SPATA17: variants seen among roughly 807,000 people sequenced by gnomAD.
SPATA17 encodes the protein spermatogenesis associated 17, also known as spermatogenesis-associated protein 17.
In SPATA17, 53 loss-of-function variants were observed where a neutral mutation model predicts 62.2. The ratio of observed to expected loss-of-function variants is 0.85; its 90% CI spans 0.68 to 1.07. The LOEUF is 1.07. Among genes scored for constraint, SPATA17 ranks in the 50% least tolerant of loss-of-function variants. The pLI, the probability that SPATA17 is intolerant of heterozygous loss-of-function variation, is 0.00. For missense variants in SPATA17, 466 were observed against 425.5 expected, an observed-to-expected ratio of 1.10 and a Z score of -0.84; for synonymous variants, 146 against 146.8, an observed-to-expected ratio of 0.99 and a Z score of 0.04.
At chr1:217,715,484 A>G (rs934751559) in intron 5 of SPATA17, among the ~76,000 whole-genome samples, 11 of 152,216 alleles carry the variant, frequency 7.2e-5, no homozygotes, top group African/African-American at 2.7e-4. Flanking sequence ...GGTAAGGTCT[A>G]TTAAAATGCA....
intron 9 of SPATA17, among the ~76,000 whole-genome samples, chr1:217,849,723 A>T (rs1675605163): frequency 6.6e-6 from 1 of 151,986 alleles, no homozygotes; most frequent in Non-Finnish European, 1.5e-5. Context: ...CCAGATCATA[A>T]ACTTCCTGAA....
At chr1:217,694,656 CT>C (rs1340696510) in intron 5 of SPATA17, among the ~76,000 whole-genome samples, 3 of 150,444 alleles carry the variant, frequency 2.0e-5, no homozygotes, top group Admixed American at 1.3e-4. Flanking sequence ...ATGTTTAGCG[CT>C]TCCTTCAGGA....
intron 6 of SPATA17, among the ~76,000 whole-genome samples, chr1:217,766,452 C>A (rs912977804): frequency 7.9e-5 from 12 of 152,040 alleles, no homozygotes; most frequent in Non-Finnish European, 1.5e-4. Context: ...ATAGGTAGTA[C>A]AAGTACCTTA....
At position 217,683,091 on chromosome 1, in the gene SPATA17, A is replaced by G. The variant is rs115448460; in HGVS notation, c.292-167A>G. ...TTTTATAATATTTCATAAAAAATTT[A>G]TGAGCAGAACCTATATTTACAACTA... On this transcript the variant is annotated intron_variant, in intron 4 of 10. Transcript: ENST00000366933. Among the ~76,000 whole-genome samples, 1,203 of 152,074 alleles carry G rather than the reference A, an allele frequency of 7.9e-3. 17 individuals are homozygous for G. Among genetic ancestry groups the G allele is most frequent in the African/African-American group, 0.027 (1,125 of 41,534 alleles).
intron 1 of SPATA17, among the ~76,000 whole-genome samples, chr1:217,642,741 CAT>C (rs145691039): frequency 6.8e-4 from 104 of 152,300 alleles, no homozygotes; most frequent in Admixed American, 1.2e-3. Flanking sequence ...CCATGTAAGA[CAT>C]GTGTGCTTCT....
chr1:217,672,563 T>C (rs1670855786), intron 4 of SPATA17, among the ~76,000 whole-genome samples: 1 of 151,866 alleles, frequency 6.6e-6, no homozygotes, highest in Admixed American at 6.6e-5. Context: ...GGAGCATTTC[T>C]GAAATGGCAG....
At chr1:217,821,407 G>T (rs1478744384) in intron 9 of SPATA17, among the ~76,000 whole-genome samples, 1 of 152,046 alleles carries the variant, frequency 6.6e-6, no homozygotes, top group African/African-American at 2.4e-5. Context: ...GTCAAGGAAA[G>T]ATAATGCAAT....
intron 9 of SPATA17, among the ~76,000 whole-genome samples, chr1:217,857,806 A>G (rs1675815494): frequency 6.6e-6 from 1 of 152,216 alleles, no homozygotes; most frequent in Non-Finnish European, 1.5e-5. Flanking sequence ...AATAAGAGCA[A>G]TAAAGAGTTT....
chr1:217,852,432 A>G (rs186046390), intron 9 of SPATA17, among the ~76,000 whole-genome samples: 2 of 152,272 alleles, frequency 1.3e-5, no homozygotes, highest in Admixed American at 1.3e-4. Context: ...CTGGATTATT[A>G]TATACTTCTT....
chr1:217,809,981 CT>C lies in SPATA17; in HGVS notation c.1005+8132del, dbSNP rs1286085098. The stretch of plus-strand genomic sequence containing the variant: ...TAAACATTTGTTGTTTTTATACCAT[CT>C]CACTGTTCTATTTAATTCAAGGAGG... On this transcript the variant is annotated intron_variant, in intron 9 of 10. Coordinates refer to ENST00000366933, the MANE Select transcript of SPATA17 (RefSeq NM_138796.4). Among the ~76,000 whole-genome samples the C allele has an allele frequency of 3.3e-5, 5 of 152,170 alleles. No homozygotes were observed. The East Asian group carries it at 9.6e-4, about 29-fold the overall frequency.
intron 5 of SPATA17, among the ~76,000 whole-genome samples, chr1:217,713,525 G>C (rs1671928511): frequency 6.6e-6 from 1 of 152,172 alleles, no homozygotes; most frequent in Admixed American, 6.5e-5. Context: ...AATTTATAAT[G>C]ATCTATGGAG....
intron 8 of SPATA17, among the ~76,000 whole-genome samples, chr1:217,797,250 TC>T (rs1453442011): frequency 2.7e-5 from 3 of 112,962 alleles, no homozygotes; most frequent in Middle Eastern, 4.9e-3. Flanking sequence ...TTTCTTTCTT[TC>T]TTTTTTTTTT....
chr1:217,663,827 G>A (rs987713820), intron 3 of SPATA17, among the ~76,000 whole-genome samples: 1 of 152,048 alleles, frequency 6.6e-6, no homozygotes, highest in African/African-American at 2.4e-5. Flanking sequence ...CATCCTTGAA[G>A]CTCATATTTT....
At chr1:217,789,403 C>T (rs1673946584) in intron 8 of SPATA17, among the ~76,000 whole-genome samples, 4 of 152,162 alleles carry the variant, frequency 2.6e-5, no homozygotes, top group East Asian at 1.9e-4. Context: ...ATTATAAAAC[C>T]GAAATGGGGT....
intron 4 of SPATA17, among the ~76,000 whole-genome samples, chr1:217,673,190 C>T (rs550995878): frequency 6.6e-6 from 1 of 152,036 alleles, no homozygotes; most frequent in South Asian, 2.1e-4. Context: ...TTGTGCAGTT[C>T]GTATGTAAAT....
intron 5 of SPATA17, among the ~76,000 whole-genome samples, chr1:217,713,910 A>T (rs529821851): frequency 2.0e-5 from 3 of 152,316 alleles, no homozygotes; most frequent in Non-Finnish European, 4.4e-5. Flanking sequence ...TCTCAGTTGG[A>T]CTGCATGTGG....
intron 5 of SPATA17, among the ~76,000 whole-genome samples, chr1:217,730,083 A>G (rs1215473312): frequency 6.6e-6 from 1 of 152,228 alleles, no homozygotes; most frequent in Non-Finnish European, 1.5e-5. Context: ...AGTATGTCCC[A>G]TTAACAAAAT....
At chr1:217,844,636 G>A (rs1174033795) in intron 9 of SPATA17, among the ~76,000 whole-genome samples, 1 of 152,048 alleles carries the variant, frequency 6.6e-6, no homozygotes, top group Non-Finnish European at 1.5e-5. Context: ...ACACTATAAA[G>A]TATCACATTA....
intron 10 of SPATA17, chr1:217,866,608 A>G (rs1676015603): frequency 1.3e-5 from 2 of 152,192 alleles, no homozygotes; most frequent in South Asian, 4.2e-4. Context: ...TTACAGGTAC[A>G]TGCCCTCATG....
Sources: allele counts gnomAD v4.1 joint callset (sites outside exome capture counted in the v4.1 genomes callset), GRCh38; gene constraint gnomAD v4.1.1; transcripts MANE v1.5; gene names NCBI Gene and HGNC (gene_info 2026-07-23, HGNC 2026-07-21).